FAM20A: variants seen among roughly 807,000 people sequenced by gnomAD.
The protein encoded by FAM20A is FAM20A golgi associated secretory pathway pseudokinase.
In FAM20A, 42 loss-of-function variants were observed where a neutral mutation model predicts 52.0. That is an observed-to-expected ratio of 0.81 (90% CI 0.63 to 1.04). The LOEUF is 1.04. Ranked by LOEUF, FAM20A falls within the 50% of genes least tolerant of loss-of-function variation. The probability of loss-of-function intolerance (pLI) is 0.00; values close to 1 mark genes in which losing one functional copy is unlikely to be tolerated. For synonymous variants in FAM20A, 304 were observed against 298.9 expected, an observed-to-expected ratio of 1.02 and a Z score of -0.18; for missense variants, 742 against 712.7, an observed-to-expected ratio of 1.04 and a Z score of -0.47.
intron 4 of FAM20A, among the ~76,000 whole-genome samples, chr17:68,550,383 TTTTTTTTTTTTTTA>T (rs1029758645): frequency 3.7e-5 from 5 of 136,396 alleles, no homozygotes; most frequent in African/African-American, 1.5e-4. Flanking sequence ...TTTTTTTTTT[TTTTTTTTTTTTTTA>T]AGATAGAGAG....
intron 1 of FAM20A, among the ~76,000 whole-genome samples, chr17:68,576,400 CA>C (rs1371991063): frequency 1.3e-5 from 2 of 152,188 alleles, no homozygotes; most frequent in Non-Finnish European, 2.9e-5. Flanking sequence ...AGGCACAGTG[CA>C]GTGATTTGGA....
Position 68,539,310 on chromosome 17 carries a change from C to G in FAM20A, c.1361+27G>C. The G allele has an allele frequency of 1.9e-6, 3 of 1,613,058 alleles. 1 individual carries two copies. ...TGAAGGGTCACAACTGTTACTTGCC[C>G]GTATTATCTGCTGCAGGAAAACTTA... On this transcript the variant is annotated intron_variant, in intron 10 of 10. Transcript: ENST00000592554.
At chr17:68,567,434 G>C (rs1314034300) in intron 1 of FAM20A, among the ~76,000 whole-genome samples, 1 of 151,926 alleles carries the variant, frequency 6.6e-6, no homozygotes. Flanking sequence ...CTGGGCCTCA[G>C]TTGTGGCTTC....
intron 3 of FAM20A, 74 bp from the exon 4 acceptor site, chr17:68,552,025 A>G: frequency 1.0e-6 from 1 of 956,296 alleles, no homozygotes; most frequent in Non-Finnish European, 1.7e-6. Context: ...TTCCTTCAAT[A>G]AGCCCAGCTG....
chr17:68,587,895 G>T (rs979696678), intron 1 of FAM20A, among the ~76,000 whole-genome samples: 1 of 152,132 alleles, frequency 6.6e-6, no homozygotes, highest in African/African-American at 2.4e-5. Flanking sequence ...TAAAATATAG[G>T]CTGTCAACAG....
Position 68,555,741 on chromosome 17 carries a change from C to T in FAM20A, c.407G>A (p.Arg136Gln), listed in dbSNP as rs267605015. The change falls in exon 2 of 11, where the codon CGA becomes CAA. Residue 136 changes from arginine (R) to glutamine (Q), a missense_variant and splice_region_variant. Arg to Gln is a conservative substitution (Grantham distance 43). Transcript: ENST00000592554. ...CATCTGCTCTCTGTACATCTTGTGT[C>T]GCCTGAAAGAGCCAGATAGTTGTTC... ...YRRKVARWNRRHKMYREQMNL... is the reference protein window; with the variant it reads ...YRRKVARWNRQHKMYREQMNL... 1.7e-5 allele frequency: 27 copies of T among 1,613,852 alleles called. No homozygotes were observed. Among genetic ancestry groups the T allele is most frequent in the African/African-American group, 1.2e-4 (9 of 74,870 alleles).
At position 68,592,080 on chromosome 17, in the gene FAM20A, A is replaced by G. The variant is rs112929183; in HGVS notation, c.404+8183T>C. ...ACTTAAGGGAAAAATGGACCTCACC[A>G]ACTGGACTCAGTGGGATCCAATGAC... On this transcript the variant is annotated intron_variant, in intron 1 of 10. Coordinates refer to ENST00000592554, the MANE Select transcript of FAM20A (RefSeq NM_017565.4). Among the ~76,000 whole-genome samples the G allele has an allele frequency of 8.6e-3, 1,314 of 152,314 alleles. 17 individuals are homozygous for G. Among genetic ancestry groups the G allele is most frequent in the African/African-American group, 0.03 (1,255 of 41,564 alleles).
rs768580419 is a variant in FAM20A, at chr17:68,535,386, C to T, written c.*2091G>A. ...ATAGGCCATTGGAAAACCAGTCCTT[C>T]GTTATAGGAGGTGGCGGGTTTTGAG... On this transcript the variant is annotated 3_prime_UTR_variant, in exon 11 of 11. Transcript: ENST00000592554. 7.0e-5 allele frequency: 32 copies of T among 453,936 alleles called. No homozygotes were observed. Among genetic ancestry groups the T allele is most frequent in the Non-Finnish European group, 1.2e-4 (28 of 226,804 alleles). 28.1% of individuals were successfully genotyped at this position (453,936 alleles called of 1,614,324 possible). A position where few individuals can be genotyped will look rare whatever the true frequency, so the allele number is the denominator to read the frequency against.
chr17:68,589,094 C>T (rs2088235161), intron 1 of FAM20A, among the ~76,000 whole-genome samples: 1 of 152,204 alleles, frequency 6.6e-6, no homozygotes, highest in African/African-American at 2.4e-5. Flanking sequence ...TTAACAGGTT[C>T]TGGCCTGTAC....
At chr17:68,577,680 C>T (rs2087812063) in intron 1 of FAM20A, among the ~76,000 whole-genome samples, 1 of 152,172 alleles carries the variant, frequency 6.6e-6, no homozygotes, top group South Asian at 2.1e-4. Context: ...CTGAAAATTG[C>T]TCTGATGGAT....
intron 4 of FAM20A, among the ~76,000 whole-genome samples, chr17:68,550,369 CTTTTTTTTTTTTTT>C (rs747654899): frequency 1.3e-5 from 1 of 79,390 alleles, no homozygotes; most frequent in African/African-American, 5.3e-5. Context: ...AATGGGGGAA[CTTTTTTTTTTTTTT>C]TTTTTTTTTT....
intron 5 of FAM20A, 89 bp from the exon 6 acceptor site, chr17:68,542,898 T>A (rs1270597251): frequency 5.2e-5 from 52 of 1,002,072 alleles, no homozygotes; most frequent in Non-Finnish European, 7.9e-5. Flanking sequence ...ACATTAGGAA[T>A]TGGCTGGTGT....
rs2087369306 is a variant in FAM20A, at chr17:68,566,083, A to T, written c.405-10340T>A. On this transcript the variant is annotated intron_variant, in intron 1 of 10. Transcript: ENST00000592554. ...TGCCTTCTTCTACACTTTCATCTCC[A>T]GAAATTCCTCCCAGCCAAACTCCCA... is the stretch of plus-strand genomic sequence containing the variant. Among the ~76,000 whole-genome samples, 3 of 152,168 alleles carry T rather than the reference A, an allele frequency of 2.0e-5. 1 individual carries two copies. The highest frequency in any genetic ancestry group is 4.4e-5 in the Non-Finnish European group (3 of 68,042).
chr17:68,595,505 C>G (rs1018533827), intron 1 of FAM20A, among the ~76,000 whole-genome samples: 1 of 152,166 alleles, frequency 6.6e-6, no homozygotes, highest in Non-Finnish European at 1.5e-5. Flanking sequence ...ATATCTTTTC[C>G]AAAACTAGTC....
intron 1 of FAM20A, among the ~76,000 whole-genome samples, chr17:68,580,914 G>A (rs959961572): frequency 2.0e-5 from 3 of 152,124 alleles, no homozygotes; most frequent in Non-Finnish European, 4.4e-5. Flanking sequence ...CCTCCAAGGT[G>A]GCACTGCTAG....
intron 1 of FAM20A, among the ~76,000 whole-genome samples, chr17:68,580,950 C>T (rs746046503): frequency 5.9e-5 from 9 of 152,118 alleles, no homozygotes; most frequent in East Asian, 1.9e-4. Context: ...CGATGACACC[C>T]GAGTATGACA....
At chr17:68,547,100 A>C (rs937039415) in intron 4 of FAM20A, among the ~76,000 whole-genome samples, 5 of 151,992 alleles carry the variant, frequency 3.3e-5, no homozygotes, top group Non-Finnish European at 7.4e-5. Flanking sequence ...ATGTGTGGTC[A>C]TCCAGGCTTT....
rs796800181 is a variant in FAM20A, at chr17:68,565,383, C to CTTTTTTTTTT, written c.405-9650_405-9641dup. 2.7e-3 allele frequency among the ~76,000 whole-genome samples: 283 copies of CTTTTTTTTTT among 103,776 alleles called. 29 individuals carry two copies. The highest frequency in any genetic ancestry group is 0.011 in the African/African-American group (262 of 22,970). The allele number at this position is 103,776 out of a possible 152,430, so 68.1% of individuals were successfully genotyped here. A position where few individuals can be genotyped will look rare whatever the true frequency, so the allele number is the denominator to read the frequency against. On this transcript the variant is annotated intron_variant, in intron 1 of 10. Transcript: ENST00000592554. ...CCTGGAGTTTAACCTCCATTACCTC[C>CTTTTTTTTTT]TTTTTTTTTTTTTTTTTTTTTTTTT... is the stretch of plus-strand genomic sequence containing the variant.
chr17:68,551,754 G>T, intron 4 of FAM20A, 119 bp downstream of exon 4: 1 of 660,452 alleles, frequency 1.5e-6, no homozygotes. Flanking sequence ...TGCTTGGGCA[G>T]ATTAGAGAAT....
Sources: allele counts gnomAD v4.1 joint callset (sites outside exome capture counted in the v4.1 genomes callset), GRCh38; gene constraint gnomAD v4.1.1; transcripts MANE v1.5; gene names NCBI Gene and HGNC (gene_info 2026-07-23, HGNC 2026-07-21).